Variants in ZRANB1 observed in about 807,000 individuals in gnomAD.
ZRANB1 encodes ubiquitin thioesterase ZRANB1.
ZRANB1 carries 16 observed loss-of-function variants against 80.5 expected under a neutral mutation model. The ratio of observed to expected loss-of-function variants is 0.20; its 90% confidence interval spans 0.13 to 0.30. The LOEUF (loss-of-function observed/expected upper bound fraction) is 0.30, where lower values mean the gene tolerates loss of function less well. Among genes scored for constraint, ZRANB1 ranks in the 10% least tolerant of loss-of-function variants. The probability of loss-of-function intolerance (pLI) is 1.00; values close to 1 mark genes in which losing one functional copy is unlikely to be tolerated. For synonymous variants in ZRANB1, 291 were observed against 293.1 expected, an observed-to-expected ratio of 0.99 and a Z score of 0.07; for missense variants, 576 against 862.6, an observed-to-expected ratio of 0.67 and a Z score of 4.16.
intron 1 of ZRANB1, among the ~76,000 whole-genome samples, chr10:124,959,080 A>T (rs1423915254): frequency 6.6e-6 from 1 of 152,196 alleles, no homozygotes; most frequent in African/African-American, 2.4e-5. Context: ...GAAAGAAGTC[A>T]TGTCTCTCAA....
At chr10:124,970,549 A>T (rs1951814861) in intron 2 of ZRANB1, among the ~76,000 whole-genome samples, 1 of 152,196 alleles carries the variant, frequency 6.6e-6, no homozygotes, top group Non-Finnish European at 1.5e-5. Context: ...GGTGTGAGCC[A>T]CTGCACCAAG....
At chr10:124,973,822 A>T in intron 4 of ZRANB1, 106 bp downstream of exon 4, 1 of 993,730 alleles carries the variant, frequency 1.0e-6, no homozygotes, top group African/African-American at 1.6e-5. Context: ...CTTTATTTTT[A>T]TTTTAAATTA....
In ZRANB1 at chr10:124,983,747, A is replaced by T; in HGVS notation, c.1908+59A>T. The T allele has an allele frequency of 8.9e-6, 12 of 1,352,448 alleles. No individual in the cohort carries two copies. In the South Asian group the frequency reaches 1.6e-4, roughly 18 times the overall value. The allele number at this position is 1,352,448 out of a possible 1,614,324, so 83.8% of individuals were successfully genotyped here. A position where few individuals can be genotyped will look rare whatever the true frequency, so the allele number is the denominator to read the frequency against. ...GTGACCTTGTACCAGAAACAGCCTG[A>T]AGTGCCTTTCAGGTGTGGTTTTATC... On this transcript the variant is annotated intron_variant, in intron 8 of 8. Coordinates refer to ENST00000359653, the MANE Select transcript of ZRANB1 (RefSeq NM_017580.3). The surrounding 1 kb of genome is among the most constrained non-coding windows in gnomAD (Gnocchi z 6.2).
At chr10:124,936,799 A>T in the ZRANB1 span, among the ~76,000 whole-genome samples, 1 of 152,222 alleles carries the variant, frequency 6.6e-6, no homozygotes, top group African/African-American at 2.4e-5. Context: ...TGCTTGGAAA[A>T]TCCGTTTTAG....
chr10:124,968,448 G>T (rs111684012), intron 2 of ZRANB1, among the ~76,000 whole-genome samples: 8,338 of 150,462 alleles, frequency 0.055, 737 homozygotes, highest in African/African-American at 0.19. Flanking sequence ...AAGCCGGGGT[G>T]GGGGGCTTGA....
Position 124,942,729 on chromosome 10 carries a change from C to G in ZRANB1, c.236C>G (p.Ser79Trp), listed in dbSNP as rs144481013. The change falls in exon 1 of 9, where the codon TCG (serine) becomes TGG (tryptophan). Residue 79 changes from serine (S) to tryptophan (W), a missense_variant. Physicochemically the swap from Ser to Trp is radical, Grantham distance 177. Transcript: ENST00000359653. ...DSSARPRVKSSYSMENANKWS... is the reference protein window; with the variant it reads ...DSSARPRVKSWYSMENANKWS... ...AGTGCAAGACCAAGGGTGAAATCTT[C>G]GTATAGCATGGAAAATGCAAATAAG... 5.3e-5 allele frequency: 85 copies of G among 1,614,050 alleles called. No individual in the cohort carries two copies. The highest frequency in any genetic ancestry group is 6.8e-5 in the Non-Finnish European group (80 of 1,180,042).
rs1301917320 is a variant in ZRANB1 at position 124,983,344 on chromosome 10, A to T, written c.1678+40A>T. On this transcript the variant is annotated intron_variant, in intron 7 of 8. Transcript: ENST00000359653. This position sits in a 1 kb window ranked among gnomAD's most constrained non-coding sequence, Gnocchi z 6.2. ...AGGAACGTTTTACAAGTTTCTTTGA[A>T]CGGAATGGCTCAGATGTCAGGAAGG... 4 of 1,609,816 alleles carry T rather than the reference A, an allele frequency of 2.5e-6. No homozygotes were observed. In the East Asian group the frequency reaches 8.9e-5, roughly 36 times the overall value.
chr10:124,981,925 CA>C (rs1484712532), intron 6 of ZRANB1, 96 bp downstream of exon 6: 1 of 1,466,150 alleles, frequency 6.8e-7, no homozygotes, highest in Non-Finnish European at 9.4e-7. Flanking sequence ...GCAATGTGGT[CA>C]AAGAAAAGAA....
Position 124,966,503 on chromosome 10 carries a change from A to G in ZRANB1, c.815-91A>G, listed in dbSNP as rs984952041. The G allele has an allele frequency of 3.9e-6, 5 of 1,275,264 alleles. No individual in the cohort carries two copies. The African/African-American group carries it at 5.9e-5, about 15-fold the overall frequency. 79.0% of individuals were successfully genotyped at this position (1,275,264 alleles called of 1,614,324 possible). A position where few individuals can be genotyped will look rare whatever the true frequency, so the allele number is the denominator to read the frequency against. ...ATCAGGATCCAGGAAGCACAGAGAAACACTTAAAAGATTTTGGAGTGATTG... is the reference window on the plus strand; with the variant it reads ...ATCAGGATCCAGGAAGCACAGAGAAGCACTTAAAAGATTTTGGAGTGATTG... On this transcript the variant is annotated intron_variant, in intron 1 of 8. Coordinates refer to ENST00000359653, the MANE Select transcript of ZRANB1 (RefSeq NM_017580.3).
At chr10:124,950,652 G>C (rs576159115) in intron 1 of ZRANB1, among the ~76,000 whole-genome samples, 1 of 152,236 alleles carries the variant, frequency 6.6e-6, no homozygotes, top group Admixed American at 6.5e-5. Context: ...AGTGCCAAGT[G>C]TAACTCTAGA....
At chr10:124,978,318 T>G (rs942875307) in intron 5 of ZRANB1, among the ~76,000 whole-genome samples, 5 of 152,214 alleles carry the variant, frequency 3.3e-5, no homozygotes, top group African/African-American at 9.6e-5. Context: ...CTGAGGTGCC[T>G]TTTGCACTTA....
chr10:124,978,715 C>T (rs1002657299), intron 5 of ZRANB1, among the ~76,000 whole-genome samples: 40 of 151,954 alleles, frequency 2.6e-4, no homozygotes, highest in Admixed American at 2.6e-3. Flanking sequence ...AACCTTATAC[C>T]TTGTGGGCTC....
At chr10:124,980,954 T>C (rs1951926986) in intron 5 of ZRANB1, among the ~76,000 whole-genome samples, 1 of 152,178 alleles carries the variant, frequency 6.6e-6, no homozygotes, top group South Asian at 2.1e-4. Context: ...CAGGAACAGA[T>C]TGGTCTTTTG....
Position 124,983,073 on chromosome 10 carries a change from C to G in ZRANB1, c.1549-102C>G. On this transcript the variant is annotated intron_variant, in intron 6 of 8. Coordinates refer to ENST00000359653, the MANE Select transcript of ZRANB1 (RefSeq NM_017580.3). This position sits in a 1 kb window ranked among gnomAD's most constrained non-coding sequence, Gnocchi z 6.2. ...TGACAATCTTTTCTTTCTTAAAAACCAACTGCGATAGTATACTGAAGGGGA... is the reference window on the plus strand; with the variant it reads ...TGACAATCTTTTCTTTCTTAAAAACGAACTGCGATAGTATACTGAAGGGGA... 8.1e-7 allele frequency: 1 copy of G among 1,231,602 alleles called. No individual in the cohort carries two copies. The highest frequency in any genetic ancestry group is 1.1e-6 in the Non-Finnish European group (1 of 910,866). 76.3% of individuals were successfully genotyped at this position (1,231,602 alleles called of 1,614,324 possible). A position where few individuals can be genotyped will look rare whatever the true frequency, so the allele number is the denominator to read the frequency against.
At chr10:124,923,036 C>T in the ZRANB1 span, among the ~76,000 whole-genome samples, 5 of 152,020 alleles carry the variant, frequency 3.3e-5, no homozygotes, top group Non-Finnish European at 5.9e-5. Flanking sequence ...CTCCTGTGAT[C>T]CCAGCACATT....
chr10:124,939,042 T>C (rs1353745092), upstream of ZRANB1, among the ~76,000 whole-genome samples: 1 of 151,820 alleles, frequency 6.6e-6, no homozygotes, highest in African/African-American at 2.4e-5. Flanking sequence ...CTGGGCATGG[T>C]GGGATGCGCC....
At chr10:124,956,620 G>A (rs1951689408) in intron 1 of ZRANB1, among the ~76,000 whole-genome samples, 1 of 152,022 alleles carries the variant, frequency 6.6e-6, no homozygotes, top group African/African-American at 2.4e-5. Flanking sequence ...AGGCAAGCTC[G>A]CCACCACGCC....
At chr10:124,926,982 A>G in the ZRANB1 span, among the ~76,000 whole-genome samples, 3 of 152,064 alleles carry the variant, frequency 2.0e-5, no homozygotes, top group Non-Finnish European at 4.4e-5. Flanking sequence ...TTTGAGATGG[A>G]GTCTCGCTGT....
chr10:124,953,023 C>G (rs1005019870), intron 1 of ZRANB1, among the ~76,000 whole-genome samples: 3 of 151,922 alleles, frequency 2.0e-5, no homozygotes, highest in African/African-American at 7.3e-5. Context: ...CTCCCAGGTT[C>G]AAGTAATTCT....
Sources: allele counts gnomAD v4.1 joint callset (sites outside exome capture counted in the v4.1 genomes callset), GRCh38; gene constraint gnomAD v4.1.1; non-coding constraint Gnocchi (gnomAD v3.1); transcripts MANE v1.5; gene names NCBI Gene and HGNC (gene_info 2026-07-23, HGNC 2026-07-21).